The following LTBP2 variants were observed in gnomAD, a reference collection of about 807,000 sequenced individuals.
LTBP2 encodes the protein latent transforming growth factor beta binding protein 2.
A neutral mutation model predicts 210.6 loss-of-function variants in LTBP2; 103 were observed. The ratio of observed to expected loss-of-function variants is 0.49; its 90% CI spans 0.42 to 0.58. LTBP2 has a LOEUF of 0.58. Among genes scored for constraint, LTBP2 ranks in the 20% least tolerant of loss-of-function variants. The pLI is 0.00. For synonymous variants in LTBP2, 1,007 were observed against 1,015.0 expected, an observed-to-expected ratio of 0.99 and a Z score of 0.15; for missense variants, 2,313 against 2,494.5, an observed-to-expected ratio of 0.93 and a Z score of 1.55.
chr14:74,513,605 C>T (rs1487722557), intron 18 of LTBP2, among the ~76,000 whole-genome samples: 3 of 152,204 alleles, frequency 2.0e-5, no homozygotes, highest in African/African-American at 7.2e-5. Context: ...GAGTTCAAGA[C>T]TAGCCTAGCC....
chr14:74,509,112 C>A, intron 22 of LTBP2, 126 bp downstream of exon 22: 1 of 1,574,194 alleles, frequency 6.4e-7, no homozygotes, highest in Admixed American at 1.7e-5. Context: ...AGCTTGTGAG[C>A]GACTCTTGGG....
intron 2 of LTBP2, among the ~76,000 whole-genome samples, chr14:74,603,145 T>G (rs1448592534): frequency 2.0e-5 from 3 of 152,146 alleles, no homozygotes; most frequent in African/African-American, 7.2e-5. Flanking sequence ...TTTTTCTTTT[T>G]GAGAAGGAGT....
chr14:74,600,623 C>T (rs942155121), intron 2 of LTBP2, among the ~76,000 whole-genome samples: 1 of 152,082 alleles, frequency 6.6e-6, no homozygotes. Flanking sequence ...TGCCCAGACC[C>T]CTGGGGCAGC....
chr14:74,587,148 A>T (rs2088217955), intron 2 of LTBP2, among the ~76,000 whole-genome samples: 2 of 151,810 alleles, frequency 1.3e-5, no homozygotes, highest in Admixed American at 1.3e-4. Context: ...CCCCTCCCCC[A>T]CCAGGACCTC....
intron 2 of LTBP2, among the ~76,000 whole-genome samples, chr14:74,594,369 CCGCTCTGG>C (rs1338569047): frequency 6.6e-6 from 1 of 152,160 alleles, no homozygotes; most frequent in Non-Finnish European, 1.5e-5. Flanking sequence ...CCAGTGCCAC[CCGCTCTGG>C]TCTGGGGGAA....
At chr14:74,573,981 G>T (rs1248259054) in intron 3 of LTBP2, among the ~76,000 whole-genome samples, 1 of 152,116 alleles carries the variant, frequency 6.6e-6, no homozygotes, top group African/African-American at 2.4e-5. Context: ...CTGACTCGTG[G>T]CCCATGCTCT....
intron 8 of LTBP2, among the ~76,000 whole-genome samples, chr14:74,543,268 C>T (rs1165172347): frequency 6.7e-6 from 1 of 148,866 alleles, no homozygotes; most frequent in Non-Finnish European, 1.5e-5. Flanking sequence ...GTCCCAGCTA[C>T]TTGGGAGGCT....
In LTBP2 at chr14:74,553,663, G is replaced by A. The variant is rs867802538; in HGVS notation, c.1022-601C>T. Among the ~76,000 whole-genome samples the A allele has an allele frequency of 2.6e-5, 4 of 152,258 alleles. No individual in the cohort carries two copies. The South Asian group carries it at 6.2e-4, about 24-fold the overall frequency. On this transcript the variant is annotated intron_variant, in intron 4 of 35. Transcript: ENST00000261978. ...GACTTTTAAGCAAGACATCATGCTG[G>A]CTTTGATGTGCTGGGGGGTCCGGAG...
At chr14:74,544,004 G>A (rs533243710) in intron 8 of LTBP2, among the ~76,000 whole-genome samples, 1 of 152,332 alleles carries the variant, frequency 6.6e-6, no homozygotes, top group South Asian at 2.1e-4. Context: ...GGCTAGAGGT[G>A]CCACATGTCA....
rs1201338234 is a variant in LTBP2 at position 74,509,875 on chromosome 14, G to T, written c.3152-16C>A. On this transcript the variant is annotated splice_polypyrimidine_tract_variant and intron_variant, in intron 20 of 35. Transcript: ENST00000261978. The stretch of plus-strand genomic sequence containing the variant: ...TCATCCACATCTGAAATAGGGCATT[G>T]CATTCTGTGTGGGACTCTGCAGGAC... 8 of 1,613,882 alleles carry T rather than the reference G, an allele frequency of 5.0e-6. No individual in the cohort carries two copies. The highest frequency in any genetic ancestry group is 6.8e-6 in the Non-Finnish European group (8 of 1,180,026).
intron 3 of LTBP2, among the ~76,000 whole-genome samples, chr14:74,556,511 G>T (rs1011682375): frequency 3.9e-5 from 6 of 152,102 alleles, no homozygotes; most frequent in African/African-American, 1.4e-4. Flanking sequence ...TTTTTAAAAA[G>T]TTTTTTGCTT....
chr14:74,523,472 C>T (rs750908389), intron 15 of LTBP2, among the ~76,000 whole-genome samples: 2 of 151,814 alleles, frequency 1.3e-5, no homozygotes, highest in Admixed American at 6.6e-5. Flanking sequence ...ACTCAGGCAA[C>T]GAGATGATGG....
chr14:74,519,167 C>G (rs1175531859), intron 17 of LTBP2, among the ~76,000 whole-genome samples: 1 of 152,030 alleles, frequency 6.6e-6, no homozygotes, highest in African/African-American at 2.4e-5. Flanking sequence ...TAAACAAAGC[C>G]CCCAAAACAC....
At chr14:74,539,509 C>A (rs2087464815) in intron 8 of LTBP2, among the ~76,000 whole-genome samples, 1 of 152,102 alleles carries the variant, frequency 6.6e-6, no homozygotes, top group African/African-American at 2.4e-5. Context: ...GAGTTTGAGA[C>A]CAGCCCAGGC....
At chr14:74,591,882 G>A (rs1201570266) in intron 2 of LTBP2, among the ~76,000 whole-genome samples, 4 of 152,154 alleles carry the variant, frequency 2.6e-5, no homozygotes, top group African/African-American at 9.7e-5. Flanking sequence ...AGTGTCTTTT[G>A]AGATGATGTC....
chr14:74,501,773 A>G, intron 34 of LTBP2, 183 bp from the exon 35 acceptor site: 1 of 705,084 alleles, frequency 1.4e-6, no homozygotes, highest in Non-Finnish European at 2.3e-6. Context: ...TTGAAAAAAA[A>G]AGTATGTGTC....
At chr14:74,589,183 C>T (rs548022368) in intron 2 of LTBP2, among the ~76,000 whole-genome samples, 2 of 152,308 alleles carry the variant, frequency 1.3e-5, no homozygotes, top group African/African-American at 2.4e-5. Flanking sequence ...AATGAGCATT[C>T]GTAGAGCACT....
intron 2 of LTBP2, among the ~76,000 whole-genome samples, chr14:74,595,140 G>A (rs906014312): frequency 1.3e-5 from 2 of 152,252 alleles, no homozygotes; most frequent in Non-Finnish European, 2.9e-5. Flanking sequence ...GGCCTCTACC[G>A]TTTGGGTTTG....
intron 30 of LTBP2, among the ~76,000 whole-genome samples, chr14:74,504,304 A>C (rs2139689070): frequency 6.6e-6 from 1 of 152,336 alleles, no homozygotes; most frequent in South Asian, 2.1e-4. Context: ...ACCCAAGAAA[A>C]GCAATCTCTG....
Sources: allele counts gnomAD v4.1 joint callset (sites outside exome capture counted in the v4.1 genomes callset), GRCh38; gene constraint gnomAD v4.1.1; transcripts MANE v1.5; gene names NCBI Gene and HGNC (gene_info 2026-07-23, HGNC 2026-07-21).